Variants in HS6ST3 observed in about 807,000 individuals in gnomAD.
HS6ST3 encodes the protein heparan-sulfate 6-O-sulfotransferase 3.
HS6ST3 carries 12 observed loss-of-function variants against 36.7 expected under a neutral mutation model. The observed-to-expected ratio is 0.33, with a 90% CI of 0.21 to 0.53. HS6ST3 has a LOEUF of 0.53. Among genes scored for constraint, HS6ST3 ranks in the 20% least tolerant of loss-of-function variants. The pLI, the probability that HS6ST3 is intolerant of heterozygous loss-of-function variation, is 0.95. For synonymous variants in HS6ST3, 240 were observed against 257.5 expected (o/e 0.93, Z 0.65); for missense variants, 584 against 640.9 (o/e 0.91, Z 0.96).
At chr13:96,761,768 A>G (rs1876976616) in intron 1 of HS6ST3, among the ~76,000 whole-genome samples, 1 of 152,096 alleles carries the variant, frequency 6.6e-6, no homozygotes, top group South Asian at 2.1e-4. Flanking sequence ...TAATTTTTCA[A>G]ATTGCTTGTT....
At chr13:96,639,808 T>A (rs537792979) in intron 1 of HS6ST3, among the ~76,000 whole-genome samples, 3 of 152,162 alleles carry the variant, frequency 2.0e-5, no homozygotes, top group South Asian at 4.1e-4. Context: ...GTATTTGGTA[T>A]TTGGTTTCCT....
chr13:96,289,201 C>T (rs2054817991), intron 1 of HS6ST3, among the ~76,000 whole-genome samples: 1 of 151,976 alleles, frequency 6.6e-6, no homozygotes, highest in Admixed American at 6.5e-5. Context: ...TATGTAAACT[C>T]AATGCCTTTT....
At chr13:96,305,565 T>G (rs2054907951) in intron 1 of HS6ST3, among the ~76,000 whole-genome samples, 1 of 152,176 alleles carries the variant, frequency 6.6e-6, no homozygotes, top group Admixed American at 6.5e-5. Flanking sequence ...AAAATGAAAA[T>G]AATGTACATT....
chr13:96,335,580 G>A (rs998551533), intron 1 of HS6ST3, among the ~76,000 whole-genome samples: 2 of 152,176 alleles, frequency 1.3e-5, no homozygotes, highest in African/African-American at 2.4e-5. Context: ...TATAGCTGGG[G>A]TGAATGTTTC....
chr13:96,727,801 T>G (rs921532815), intron 1 of HS6ST3, among the ~76,000 whole-genome samples: 1 of 152,198 alleles, frequency 6.6e-6, no homozygotes, highest in Non-Finnish European at 1.5e-5. Flanking sequence ...AGTTATGCTT[T>G]CTTTCACCTC....
intron 1 of HS6ST3, among the ~76,000 whole-genome samples, chr13:96,148,463 G>A (rs2054068527): frequency 6.6e-6 from 1 of 152,176 alleles, no homozygotes; most frequent in African/African-American, 2.4e-5. Context: ...AAAGGGAGGT[G>A]AGATTGTGCT....
At chr13:96,661,460 C>T (rs2139019448) in intron 1 of HS6ST3, among the ~76,000 whole-genome samples, 1 of 151,828 alleles carries the variant, frequency 6.6e-6, no homozygotes, top group African/African-American at 2.4e-5. Context: ...TTTCTTTTTC[C>T]AACATTTTAC....
chr13:96,561,017 T>C (rs1475182703), intron 1 of HS6ST3, among the ~76,000 whole-genome samples: 1 of 152,202 alleles, frequency 6.6e-6, no homozygotes, highest in African/African-American at 2.4e-5. Flanking sequence ...AATGACATTT[T>C]TCACAGAACT....
At chr13:96,798,682 T>G (rs1239366730) in intron 1 of HS6ST3, among the ~76,000 whole-genome samples, 1 of 152,208 alleles carries the variant, frequency 6.6e-6, no homozygotes, top group South Asian at 2.1e-4. Context: ...GCTTACCTTA[T>G]AGAGTTAGGG....
At chr13:96,830,053 GT>G (rs59196223) in intron 1 of HS6ST3, among the ~76,000 whole-genome samples, 12 of 150,062 alleles carry the variant, frequency 8.0e-5, no homozygotes, top group East Asian at 7.8e-4. Flanking sequence ...CAACCATTCT[GT>G]TTTTTTTTTC....
intron 1 of HS6ST3, among the ~76,000 whole-genome samples, chr13:96,706,634 C>T (rs1340513377): frequency 6.6e-6 from 1 of 151,694 alleles, no homozygotes; most frequent in African/African-American, 2.4e-5. Flanking sequence ...AGCGGAGTTT[C>T]TCAGGACAAG....
intron 1 of HS6ST3, among the ~76,000 whole-genome samples, chr13:96,755,374 G>GT (rs372484642): frequency 4.6e-5 from 7 of 151,092 alleles, no homozygotes; most frequent in African/African-American, 1.2e-4. Context: ...TTTTGTTTTT[G>GT]TTTTTTTTGA....
chr13:96,814,336 T>A (rs1878377646), intron 1 of HS6ST3, among the ~76,000 whole-genome samples: 1 of 152,192 alleles, frequency 6.6e-6, no homozygotes, highest in Non-Finnish European at 1.5e-5. Flanking sequence ...TAATTTTCCC[T>A]CAAAAATTTG....
chr13:96,369,859 CT>C (rs1566340134), intron 1 of HS6ST3, among the ~76,000 whole-genome samples: 1 of 151,788 alleles, frequency 6.6e-6, no homozygotes, highest in Non-Finnish European at 1.5e-5. Flanking sequence ...TTCAGAAGAT[CT>C]TTTTTTTAAG....
intron 1 of HS6ST3, among the ~76,000 whole-genome samples, chr13:96,642,782 G>T (rs570205088): frequency 1.3e-5 from 2 of 151,658 alleles, no homozygotes; most frequent in Non-Finnish European, 2.9e-5. Flanking sequence ...TCTCTATTTG[G>T]TGAGGCATCA....
intron 1 of HS6ST3, among the ~76,000 whole-genome samples, chr13:96,769,979 G>T (rs908759282): frequency 2.6e-5 from 4 of 152,174 alleles, no homozygotes; most frequent in Admixed American, 6.5e-5. Flanking sequence ...GGGAGAGCAA[G>T]AAGTCTGTAG....
intron 1 of HS6ST3, among the ~76,000 whole-genome samples, chr13:96,211,284 T>G (rs2054397716): frequency 1.3e-5 from 2 of 152,334 alleles, no homozygotes; most frequent in South Asian, 2.1e-4. Context: ...TGAGATAAAC[T>G]TCCAGCCATG....
intron 1 of HS6ST3, among the ~76,000 whole-genome samples, chr13:96,142,620 C>A (rs1594692331): frequency 6.6e-6 from 1 of 152,086 alleles, no homozygotes; most frequent in South Asian, 2.1e-4. Flanking sequence ...TTTCCTGTGG[C>A]AAAAAGGTGT....
At chr13:96,526,690 G>A (rs2056115727) in intron 1 of HS6ST3, among the ~76,000 whole-genome samples, 1 of 152,148 alleles carries the variant, frequency 6.6e-6, no homozygotes, top group Non-Finnish European at 1.5e-5. Context: ...AGTTGCTTCT[G>A]ATAATTATTG....
Sources: gnomAD v4.1 joint callset for allele counts (sites outside exome capture counted in the v4.1 genomes callset) on GRCh38, gnomAD v4.1.1 for gene constraint, MANE v1.5 for transcripts, NCBI Gene and HGNC (gene_info 2026-07-23, HGNC 2026-07-21) for gene names.